The following AQP9 variants were observed in gnomAD, a reference collection of about 807,000 sequenced individuals.
AQP9 encodes the protein aquaporin 9, also known as aquaporin-9.
Under a neutral mutation model 23.8 loss-of-function variants are expected in AQP9, and 19 were observed. The ratio of observed to expected loss-of-function variants is 0.80; its 90% CI spans 0.56 to 1.17. The LOEUF is 1.17. AQP9 is among the 50% of genes most tolerant of loss of function. The pLI is 0.00. For missense variants in AQP9, 413 were observed against 362.0 expected, an observed-to-expected ratio of 1.14 and a Z score of -1.14; for synonymous variants, 153 against 131.5, an observed-to-expected ratio of 1.16 and a Z score of -1.12.
chr15:58,141,230 A>G (rs993562773), intron 1 of AQP9, among the ~76,000 whole-genome samples: 1 of 152,110 alleles, frequency 6.6e-6, no homozygotes, highest in Non-Finnish European at 1.5e-5. Flanking sequence ...CTACTACTCT[A>G]TATATTCTCC....
intron 1 of AQP9, among the ~76,000 whole-genome samples, chr15:58,162,676 T>A (rs1287424996): frequency 6.6e-6 from 1 of 152,190 alleles, no homozygotes; most frequent in East Asian, 1.9e-4. Context: ...TCCTATATGA[T>A]GCTCAGTCTT....
At chr15:58,150,287 T>C (rs1359377974) in intron 1 of AQP9, 1 of 152,642 alleles carries the variant, frequency 6.6e-6, no homozygotes, top group Non-Finnish European at 1.5e-5. Flanking sequence ...CGCAATTACC[T>C]TAGGCATATA....
In AQP9 at chr15:58,146,008, C is replaced by T. The variant is rs991642388; in HGVS notation, c.111+7332C>T. On this transcript the variant is annotated intron_variant, in intron 1 of 5. Transcript: ENST00000219919. Reference sequence around the variant, plus strand: ...CAAGTCTCTGGGTCTCATTTTTGTCCTTAATAATCTGAATTTATCTGGTAA... The same window carrying T: ...CAAGTCTCTGGGTCTCATTTTTGTCTTTAATAATCTGAATTTATCTGGTAA... Among the ~76,000 whole-genome samples, 5 of 152,142 alleles carry T rather than the reference C, an allele frequency of 3.3e-5. No homozygotes were observed. In the East Asian group the frequency reaches 7.7e-4, roughly 23 times the overall value.
At chr15:58,179,485 AT>A in intron 5 of AQP9, 140 bp downstream of exon 5, 1 of 676,476 alleles carries the variant, frequency 1.5e-6, no homozygotes. Flanking sequence ...AGCATGAGAC[AT>A]TTCACTGGTA....
At chr15:58,162,791 T>A (rs1287781244) in intron 1 of AQP9, among the ~76,000 whole-genome samples, 2 of 152,166 alleles carry the variant, frequency 1.3e-5, no homozygotes, top group Non-Finnish European at 2.9e-5. Flanking sequence ...GTGAGATGCA[T>A]GAATATGCAA....
chr15:58,165,693 T>C (rs776192039), intron 1 of AQP9, among the ~76,000 whole-genome samples: 167 of 152,170 alleles, frequency 1.1e-3, no homozygotes, highest in Admixed American at 2.9e-3. Context: ...TTCAGTAGAC[T>C]AGCAGTCTAC....
intron 2 of AQP9, among the ~76,000 whole-genome samples, chr15:58,168,501 T>C (rs1898556124): frequency 6.6e-6 from 1 of 152,178 alleles, no homozygotes. Flanking sequence ...CTCCTTGGGC[T>C]GTGCATCCGG....
intron 1 of AQP9, among the ~76,000 whole-genome samples, chr15:58,158,780 AT>A (rs1420943302): frequency 6.6e-6 from 1 of 152,078 alleles, no homozygotes; most frequent in Non-Finnish European, 1.5e-5. Flanking sequence ...TATTTTTTCC[AT>A]TTTTGGACAA....
intron 3 of AQP9, 21 bp from the exon 4 acceptor site, chr15:58,174,897 C>T: frequency 6.2e-7 from 1 of 1,602,024 alleles, no homozygotes; most frequent in Non-Finnish European, 8.6e-7. Flanking sequence ...CACTAATGTG[C>T]CAGAGCTTTC....
rs1046448009 is a variant in AQP9, at chr15:58,184,229, T to C, written c.*94T>C. On this transcript the variant is annotated 3_prime_UTR_variant, in exon 6 of 6. Transcript: ENST00000219919. The stretch of plus-strand genomic sequence containing the variant: ...GTGTTCTTGTAAGCCTGAGGTGGAA[T>C]CCACCCAGTTTTGTCTGCTAGCCAT... 2.2e-6 allele frequency: 3 copies of C among 1,377,378 alleles called. No homozygotes were observed. The highest frequency in any genetic ancestry group is 3.0e-6 in the Non-Finnish European group (3 of 1,003,106). The allele number at this position is 1,377,378 out of a possible 1,614,324, so 85.3% of individuals were successfully genotyped here. A position where few individuals can be genotyped will look rare whatever the true frequency, so the allele number is the denominator to read the frequency against.
rs140645120 is a variant in AQP9 at position 58,170,964 on chromosome 15, G to A, written c.239-2104G>A. The stretch of plus-strand genomic sequence containing the variant: ...GTTGTTGTTGTTGTTTGTTTTTGTC[G>A]CCCAGGCTGGAGTGCAGTGGCGCAA... On this transcript the variant is annotated intron_variant, in intron 2 of 5. Transcript: ENST00000219919. Among the ~76,000 whole-genome samples the A allele has an allele frequency of 5.2e-3, 790 of 151,096 alleles. 4 individuals carry two copies. Among genetic ancestry groups the A allele is most frequent in the African/African-American group, 0.018 (753 of 41,194 alleles).
intron 4 of AQP9, among the ~76,000 whole-genome samples, chr15:58,178,143 G>C (rs886852575): frequency 3.9e-5 from 6 of 152,038 alleles, no homozygotes; most frequent in African/African-American, 1.4e-4. Context: ...TTTATATTGG[G>C]GACTTGAACA....
At chr15:58,145,998 C>T (rs1265396668) in intron 1 of AQP9, among the ~76,000 whole-genome samples, 1 of 152,154 alleles carries the variant, frequency 6.6e-6, no homozygotes, top group Admixed American at 6.5e-5. Context: ...CTCTGGGTCT[C>T]ATTTTTGTCC....
rs1469466740 is a variant in AQP9, at chr15:58,166,802, A to G, written c.238+3A>G. On this transcript the variant is annotated splice_donor_region_variant and intron_variant, in intron 2 of 5. Coordinates refer to ENST00000219919, the MANE Select transcript of AQP9 (RefSeq NM_020980.5). ...TTATGTGGCTGGCGGTGTCTCTGGTAAGCAGTAGAAATAATGAATGCTGCT... is the reference window on the plus strand; with the variant it reads ...TTATGTGGCTGGCGGTGTCTCTGGTGAGCAGTAGAAATAATGAATGCTGCT... 2 of 1,613,442 alleles carry G rather than the reference A, an allele frequency of 1.2e-6. No homozygotes were observed. Among genetic ancestry groups the G allele is most frequent in the Admixed American group, 1.7e-5 (1 of 59,972 alleles).
intron 5 of AQP9, among the ~76,000 whole-genome samples, chr15:58,180,877 A>C (rs1429583369): frequency 2.0e-5 from 3 of 152,224 alleles, no homozygotes; most frequent in Admixed American, 6.5e-5. Flanking sequence ...AATGATCACA[A>C]CTAGAACACG....
intron 1 of AQP9, among the ~76,000 whole-genome samples, chr15:58,150,083 G>A (rs1449486262): frequency 6.6e-6 from 1 of 152,220 alleles, no homozygotes; most frequent in Non-Finnish European, 1.5e-5. Flanking sequence ...CAGCTCCAAA[G>A]GTAAGTGAGA....
At chr15:58,179,658 A>G (rs1595747375) in intron 5 of AQP9, among the ~76,000 whole-genome samples, 3 of 152,184 alleles carry the variant, frequency 2.0e-5, no homozygotes, top group Non-Finnish European at 2.9e-5. Flanking sequence ...TTTTAGCTGT[A>G]TAACTTGTCT....
intron 2 of AQP9, among the ~76,000 whole-genome samples, chr15:58,168,524 C>T (rs1023044045): frequency 1.3e-5 from 2 of 151,930 alleles, no homozygotes; most frequent in African/African-American, 4.8e-5. Flanking sequence ...TGGCCATTGA[C>T]CAGCTGGCAC....
In AQP9 at chr15:58,185,589, G is replaced by T. The variant is rs2140641357; in HGVS notation, c.*1454G>T. The T allele has an allele frequency of 6.6e-6, 1 of 152,250 alleles. No individual in the cohort carries two copies. Among genetic ancestry groups the T allele is most frequent in the African/African-American group, 2.4e-5 (1 of 41,538 alleles). 9.4% of individuals were successfully genotyped at this position (152,250 alleles called of 1,614,324 possible). ...GCCAGCACCAAACATTACATTCAGG[G>T]GATTTCCTCTGGCTCAGTCTTTTCC... On this transcript the variant is annotated 3_prime_UTR_variant, in exon 6 of 6. Transcript: ENST00000219919.
Sources: gnomAD v4.1 joint callset for allele counts (sites outside exome capture counted in the v4.1 genomes callset) on GRCh38, gnomAD v4.1.1 for gene constraint, MANE v1.5 for transcripts, NCBI Gene and HGNC (gene_info 2026-07-23, HGNC 2026-07-21) for gene names.